Variants in ARAF observed in about 807,000 individuals in gnomAD.
ARAF encodes A-Raf proto-oncogene, serine/threonine kinase.
Under a neutral mutation model 48.0 loss-of-function variants are expected in ARAF, and 18 were observed. The ratio of observed to expected loss-of-function variants is 0.37; its 90% CI spans 0.26 to 0.56. The LOEUF (loss-of-function observed/expected upper bound fraction) is 0.56. Ranked by LOEUF, ARAF falls within the 20% of genes least tolerant of loss-of-function variation. The probability of loss-of-function intolerance (pLI) is 0.77; values close to 1 mark genes in which losing one functional copy is unlikely to be tolerated. For synonymous variants in ARAF, 207 were observed against 220.1 expected, an observed-to-expected ratio of 0.94 and a Z score of 0.53; for missense variants, 389 against 543.1, an observed-to-expected ratio of 0.72 and a Z score of 2.82.
In ARAF at chrX:47,569,967, G is replaced by A; in HGVS notation, c.1494G>A (p.Val498=). Residue 498 remains valine, a synonymous_variant, in exon 14 of 16, where the codon GTG becomes GTA. Transcript: ENST00000377045. ...CAGACGTCTATGCCTACGGGGTTGTGCTCTACGAGCTTATGACTGGCTCAC... is the reference window on the plus strand; with the variant it reads ...CAGACGTCTATGCCTACGGGGTTGTACTCTACGAGCTTATGACTGGCTCAC... ...FQSDVYAYGV[V]LYELMTGSLP... is the part of the protein sequence containing the mutation. 1 of 1,204,710 alleles carries A rather than the reference G, an allele frequency of 8.3e-7. No homozygotes were observed. The highest frequency in any genetic ancestry group is 1.1e-6 in the Non-Finnish European group (1 of 892,279).
At chrX:47,569,068 G>T in intron 12 of ARAF, 35 bp downstream of exon 12, 1 of 1,173,304 alleles carries the variant, frequency 8.5e-7, no homozygotes, top group Non-Finnish European at 1.1e-6. Context: ...GTTGAGTGGG[G>T]GTGTCAAGGG....
intron 3 of ARAF, 35 bp downstream of exon 3, chrX:47,563,364 G>A (rs768995750): frequency 2.8e-6 from 3 of 1,062,475 alleles, no homozygotes; most frequent in South Asian, 1.9e-5. Context: ...CCCACTGGGT[G>A]TCCCACCTCC....
chrX:47,567,524 C>G, intron 10 of ARAF, 92 bp downstream of exon 10: 1 of 970,045 alleles, frequency 1.0e-6, no homozygotes, highest in African/African-American at 1.9e-5. Context: ...TCCTGGACAT[C>G]ACCTGTGTTT....
Position 47,570,918 on chromosome X carries a change from T to C in ARAF, c.1592T>C (p.Leu531Pro). The change falls in exon 15 of 16, where the codon CTC (leucine) becomes CCC (proline). Residue 531 changes from leucine to proline, a missense_variant. Physicochemically the swap from Leu to Pro is moderately conservative, Grantham distance 98 (BLOSUM62 -3). Transcript: ENST00000377045. ...MVGRGYLSPD[L>P]SKISSNCPKA... ...GGCCGTGGCTATCTGTCCCCGGACC[T>C]CAGCAAAATCTCCAGCAACTGCCCC... is the stretch of plus-strand genomic sequence containing the variant. 5.0e-6 allele frequency: 6 copies of C among 1,211,523 alleles called. No individual in the cohort carries two copies. Among genetic ancestry groups the C allele is most frequent in the Non-Finnish European group, 6.7e-6 (6 of 895,363 alleles).
At chrX:47,562,021 C>T (rs1475942937) in intron 1 of ARAF, among the ~76,000 whole-genome samples, 2 of 102,594 alleles carry the variant, frequency 1.9e-5, no homozygotes, top group Non-Finnish European at 4.0e-5. Flanking sequence ...TTCCATTAGC[C>T]ACCTAACAAC....
At chrX:47,566,452 C>A (rs1198273036) in intron 6 of ARAF, among the ~76,000 whole-genome samples, 187 bp from the exon 7 acceptor site, 5 of 112,283 alleles carry the variant, frequency 4.5e-5, no homozygotes, top group Admixed American at 3.8e-4. Flanking sequence ...TTTATCTCCA[C>A]CACCTAGAAT....
chrX:47,563,967 A>T (rs1452831518), intron 3 of ARAF, among the ~76,000 whole-genome samples: 2 of 111,297 alleles, frequency 1.8e-5, no homozygotes, highest in Non-Finnish European at 3.8e-5. Context: ...TCTGCTAGAT[A>T]AAGAGGTGAT....
chrX:47,567,339 G>A lies in ARAF; in HGVS notation c.983G>A (p.Arg328Gln), dbSNP rs766305105. 1.7e-5 allele frequency: 20 copies of A among 1,209,096 alleles called. No homozygotes were observed. Among genetic ancestry groups the A allele is most frequent in the Middle Eastern group, 2.3e-4 (1 of 4,366 alleles). The change falls in exon 10 of 16, where the codon CGG (arginine) becomes CAG (glutamine). Residue 328 changes from arginine to glutamine, a missense_variant. By Grantham distance (43) the Arg-to-Gln change is conservative (BLOSUM62 1). This residue lies in a region of ARAF where 170 missense variants were observed against 281.4 expected (regional missense o/e 0.60). Transcript: ENST00000377045. ...TCGTTTGGCACCGTGTTTCGAGGGC[G>A]GTGGCATGGCGATGTGGCCGTGAAG... ...TGSFGTVFRGRWHGDVAVKVL... is the reference protein window; with the variant it reads ...TGSFGTVFRGQWHGDVAVKVL...
intron 3 of ARAF, 125 bp downstream of exon 3, chrX:47,563,454 C>T: frequency 1.8e-6 from 1 of 548,387 alleles, no homozygotes; most frequent in South Asian, 2.9e-5. Context: ...CTTTAGTCCC[C>T]CCTTATCTGC....
intron 1 of ARAF, among the ~76,000 whole-genome samples, chrX:47,562,246 G>T (rs1280949039): frequency 9.1e-6 from 1 of 110,374 alleles, no homozygotes; most frequent in Non-Finnish European, 1.9e-5. Flanking sequence ...CACTTTGGGA[G>T]GCTGAGGCGG....
At chrX:47,561,918 T>C (rs759100402) in intron 1 of ARAF, among the ~76,000 whole-genome samples, 1 of 106,374 alleles carries the variant, frequency 9.4e-6, no homozygotes, top group African/African-American at 3.4e-5. Flanking sequence ...TTCTCCCCAT[T>C]ACAGTCCCTA....
chrX:47,569,271 G>A (rs1458073669), intron 12 of ARAF, among the ~76,000 whole-genome samples: 1 of 111,963 alleles, frequency 8.9e-6, no homozygotes, highest in African/African-American at 3.2e-5. Flanking sequence ...GACAGTTGTG[G>A]AGGGCATTAT....
rs146356268 is a variant in ARAF at position 47,569,612 on chromosome X, C to T, written c.1374C>T (p.Ser458=). 28 of 1,207,312 alleles carry T rather than the reference C, an allele frequency of 2.3e-5. No individual in the cohort carries two copies. In the African/African-American group the frequency reaches 4.2e-4, roughly 18 times the overall value. Residue 458 remains serine, a synonymous_variant, in exon 13 of 16, where the codon AGC becomes AGT. Transcript: ENST00000377045. ...TGGCCACAGTGAAGACTCGATGGAG[C>T]GGGGCCCAGCCCTTGGAGCAGCCCT... is the stretch of plus-strand genomic sequence containing the variant. ...FGLATVKTRW[S]GAQPLEQPSG... is the part of the protein sequence containing the mutation.
rs1470345765 is a variant in ARAF at position 47,566,695 on chromosome X, C to T, written c.614C>T (p.Ala205Val). 1 of 1,199,524 alleles carries T rather than the reference C, an allele frequency of 8.3e-7. No individual in the cohort carries two copies. The highest frequency in any genetic ancestry group is 2.3e-4 in the Middle Eastern group (1 of 4,287). The stretch of plus-strand genomic sequence containing the variant: ...TTCCCCTTCCCTGCCCCAGCCAATG[C>T]CCCCCTACAGCGCATCCGCTCCACG... ...EHFPFPAPANAPLQRIRSTST... is the reference protein window; with the variant it reads ...EHFPFPAPANVPLQRIRSTST... Residue 205 changes from alanine (A) to valine (V), a missense_variant, in exon 7 of 16, where the codon GCC (alanine) becomes GTC (valine). Physicochemically the swap from Ala to Val is moderately conservative, Grantham distance 64. Transcript: ENST00000377045.
In ARAF at chrX:47,567,319, T is replaced by G. The variant is rs368279563; in HGVS notation, c.963T>G (p.Phe321Leu). The G allele has an allele frequency of 8.3e-7, 1 of 1,211,326 alleles. No homozygotes were observed. The highest frequency in any genetic ancestry group is 1.1e-6 in the Non-Finnish European group (1 of 895,382). Reference protein sequence around the residue: ...QLLKRIGTGSFGTVFRGRWHG... With the variant: ...QLLKRIGTGSLGTVFRGRWHG... ...TGAAGAGGATCGGGACGGGCTCGTT[T>G]GGCACCGTGTTTCGAGGGCGGTGGC... The change falls in exon 10 of 16, where the codon TTT becomes TTG. Residue 321 changes from phenylalanine to leucine, a missense_variant. By Grantham distance (22) the Phe-to-Leu change is conservative (BLOSUM62 0). This residue lies in a region of ARAF where 170 missense variants were observed against 281.4 expected (regional missense o/e 0.60). Transcript: ENST00000377045.
At chrX:47,571,110 A>AGTGT (rs34644595) in intron 15 of ARAF, 98 bp downstream of exon 15, 65,201 of 791,916 alleles carry the variant, frequency 0.082, 1,065 homozygotes, top group Non-Finnish European at 0.093. Context: ...TCAGAGGTAT[A>AGTGT]GTGTGTGTGT....
chrX:47,564,348 CTCTG>C (rs1474703501), intron 3 of ARAF, among the ~76,000 whole-genome samples: 1 of 112,185 alleles, frequency 8.9e-6, no homozygotes, highest in East Asian at 2.8e-4. Flanking sequence ...TTTCCCCATT[CTCTG>C]TCTGCTGAGT....
intron 10 of ARAF, among the ~76,000 whole-genome samples, chrX:47,567,870 T>C (rs1030744199): frequency 2.7e-5 from 3 of 111,500 alleles, no homozygotes; most frequent in African/African-American, 9.8e-5. Flanking sequence ...ATCATCACCA[T>C]AATCTAATCA....
chrX:47,570,903 A>AT lies in ARAF; in HGVS notation c.1578dup (p.Leu527SerfsTer22). ...ATTATCTTTATGGTGGGCCGTGGCT[A>AT]TCTGTCCCCGGACCTCAGCAAAATC... On this transcript the variant is annotated frameshift_variant, in exon 15 of 16. Transcript: ENST00000377045. LOFTEE classifies it high-confidence loss of function. The AT allele has an allele frequency of 8.3e-7, 1 of 1,210,342 alleles. No homozygotes were observed. The highest frequency in any genetic ancestry group is 1.1e-6 in the Non-Finnish European group (1 of 894,785).
Sources: gnomAD v4.1 joint callset for allele counts (sites outside exome capture counted in the v4.1 genomes callset) on GRCh38, gnomAD v4.1.1 for gene constraint, gnomAD v4.1.1 regional missense constraint, MANE v1.5 for transcripts, NCBI Gene and HGNC (gene_info 2026-07-23, HGNC 2026-07-21) for gene names.